The following CHRM5 variants were observed in gnomAD, a reference collection of about 807,000 sequenced individuals.
CHRM5 encodes cholinergic receptor muscarinic 5, also known as muscarinic acetylcholine receptor M5.
A neutral mutation model predicts 39.0 loss-of-function variants in CHRM5; 18 were observed. That is an observed-to-expected ratio of 0.46 (90% CI 0.32 to 0.68). CHRM5 has a LOEUF of 0.68. Ranked by LOEUF, CHRM5 falls within the 30% of genes least tolerant of loss-of-function variation. The probability of loss-of-function intolerance (pLI) is 0.04; values close to 1 mark genes in which losing one functional copy is unlikely to be tolerated. For synonymous variants in CHRM5, 241 were observed against 246.3 expected, an observed-to-expected ratio of 0.98 and a Z score of 0.20; for missense variants, 515 against 651.1, an observed-to-expected ratio of 0.79 and a Z score of 2.28.
At chr15:34,011,837 T>C (rs1897651204) in intron 1 of CHRM5, among the ~76,000 whole-genome samples, 1 of 152,210 alleles carries the variant, frequency 6.6e-6, no homozygotes, top group African/African-American at 2.4e-5. Context: ...AGGGACAGAC[T>C]ATGGGATTTC....
intron 1 of CHRM5, among the ~76,000 whole-genome samples, chr15:33,987,979 G>A (rs1328688019): frequency 6.6e-6 from 1 of 152,154 alleles, no homozygotes; most frequent in Non-Finnish European, 1.5e-5. Flanking sequence ...GCATCAAGAA[G>A]GAAAACCACC....
chr15:33,992,911 A>G (rs1473719342), intron 1 of CHRM5, among the ~76,000 whole-genome samples: 1 of 152,262 alleles, frequency 6.6e-6, no homozygotes, highest in African/African-American at 2.4e-5. Context: ...AATAGTTTTA[A>G]GCAAAAATAT....
At chr15:33,970,996 T>A (rs913867530) in intron 1 of CHRM5, among the ~76,000 whole-genome samples, 1 of 151,990 alleles carries the variant, frequency 6.6e-6, no homozygotes, top group Non-Finnish European at 1.5e-5. Context: ...GAAAAGTGAT[T>A]ACTGAAGTTT....
chr15:33,972,622 AT>A (rs1339342635), intron 1 of CHRM5: 1 of 152,278 alleles, frequency 6.6e-6, no homozygotes, highest in East Asian at 1.9e-4. Flanking sequence ...TTTGTAAAAA[AT>A]AAATAAAAAT....
chr15:34,039,932 A>T (rs551289696), intron 1 of CHRM5, among the ~76,000 whole-genome samples: 1 of 152,314 alleles, frequency 6.6e-6, no homozygotes, highest in Admixed American at 6.5e-5. Flanking sequence ...AGGAGAAAAC[A>T]GGAAGGGGAA....
intron 2 of CHRM5, among the ~76,000 whole-genome samples, chr15:34,047,076 T>TTG (rs962389030): frequency 6.7e-6 from 1 of 148,516 alleles, no homozygotes; most frequent in Non-Finnish European, 1.5e-5. Flanking sequence ...TTTGTTGGTT[T>TTG]TTTTTTTTTT....
At position 34,011,821 on chromosome 15, in the gene CHRM5, C is replaced by A. The variant is rs79293027; in HGVS notation, c.-407-34719C>A. On this transcript the variant is annotated intron_variant, in intron 1 of 2. Coordinates refer to ENST00000383263, the MANE Select transcript of CHRM5 (RefSeq NM_012125.4). ...AGGTAATTTGCATCTGTAGGCAGCC[C>A]ACACCAGGGACAGACTATGGGATTT... Among the ~76,000 whole-genome samples, 884 of 152,280 alleles carry A rather than the reference C, an allele frequency of 5.8e-3. 6 individuals are homozygous for A. The highest frequency in any genetic ancestry group is 0.019 in the African/African-American group (806 of 41,550).
At chr15:34,034,970 G>T (rs568190962) in intron 1 of CHRM5, among the ~76,000 whole-genome samples, 1 of 152,148 alleles carries the variant, frequency 6.6e-6, no homozygotes, top group African/African-American at 2.4e-5. Context: ...GCTGACAAGC[G>T]GCTGGTGGCT....
chr15:34,033,706 T>C (rs532071379), intron 1 of CHRM5, among the ~76,000 whole-genome samples: 11 of 152,314 alleles, frequency 7.2e-5, no homozygotes, highest in South Asian at 2.1e-4. Context: ...AATAAGGTTC[T>C]GTGGGAGATG....
At chr15:33,983,640 C>A (rs976996352) in intron 1 of CHRM5, among the ~76,000 whole-genome samples, 22 of 152,110 alleles carry the variant, frequency 1.4e-4, no homozygotes, top group African/African-American at 5.1e-4. Context: ...TAACACATGC[C>A]CAGAAATTCC....
chr15:33,969,920 T>C (rs916599488), intron 1 of CHRM5, among the ~76,000 whole-genome samples: 2 of 152,006 alleles, frequency 1.3e-5, no homozygotes, highest in South Asian at 4.1e-4. Flanking sequence ...TAGAAATCAC[T>C]GCATAATGAG....
At position 34,063,220 on chromosome 15, in the gene CHRM5, G is replaced by T. The variant is rs1409014295; in HGVS notation, c.503G>T (p.Cys168Phe). ...SFILWAPAIL[C>F]WQYLVGKRTV... is the part of the protein sequence containing the mutation. ...ATCCTCTGGGCCCCAGCAATCCTCT[G>T]CTGGCAGTACTTGGTTGGGAAGCGG... The change falls in exon 3 of 3, where the codon TGC becomes TTC. Residue 168 changes from cysteine to phenylalanine, a missense_variant. Physicochemically the swap from Cys to Phe is radical, Grantham distance 205. Coordinates refer to ENST00000383263, the MANE Select transcript of CHRM5 (RefSeq NM_012125.4). This position sits in a 1 kb window ranked among gnomAD's most constrained non-coding sequence, Gnocchi z 4.1. 9.3e-6 allele frequency: 15 copies of T among 1,614,058 alleles called. No homozygotes were observed. The highest frequency in any genetic ancestry group is 1.3e-5 in the Non-Finnish European group (15 of 1,180,038).
chr15:34,066,424 G>A lies in CHRM5; in HGVS notation c.*2108G>A, dbSNP rs917873761. 2.6e-5 allele frequency: 4 copies of A among 152,236 alleles called. No homozygotes were observed. The highest frequency in any genetic ancestry group is 4.4e-5 in the Non-Finnish European group (3 of 68,050). The allele number at this position is 152,236 out of a possible 1,614,324, so 9.4% of individuals were successfully genotyped here. A position where few individuals can be genotyped will look rare whatever the true frequency, so the allele number is the denominator to read the frequency against. On this transcript the variant is annotated 3_prime_UTR_variant, in exon 3 of 3. Coordinates refer to ENST00000383263, the MANE Select transcript of CHRM5 (RefSeq NM_012125.4). ...TAATTTAAACAAAAGAACACAAATC[G>A]GGAAAGGATGCCATGGAGGGCACTC... is the stretch of plus-strand genomic sequence containing the variant.
At chr15:34,038,933 G>T in intron 1 of CHRM5, 1 of 1,064,778 alleles carries the variant, frequency 9.4e-7, no homozygotes. Flanking sequence ...CTCCGCCGCC[G>T]CCTCTGGCTA....
chr15:34,023,888 A>T (rs1186097727), intron 1 of CHRM5, among the ~76,000 whole-genome samples: 2 of 152,196 alleles, frequency 1.3e-5, no homozygotes, highest in African/African-American at 4.8e-5. Flanking sequence ...ATTTAAACTC[A>T]TTCTGGCTCT....
chr15:33,981,429 CA>C (rs1409492898), intron 1 of CHRM5, among the ~76,000 whole-genome samples: 1 of 55,216 alleles, frequency 1.8e-5, no homozygotes, highest in African/African-American at 3.2e-5. Context: ...CAAAAGGCAC[CA>C]AACTAAACAT....
intron 1 of CHRM5, among the ~76,000 whole-genome samples, chr15:34,038,312 T>G (rs1042741693): frequency 6.6e-6 from 1 of 152,222 alleles, no homozygotes; most frequent in Non-Finnish European, 1.5e-5. Flanking sequence ...GTACTAGGCA[T>G]TGCACAGACA....
chr15:33,974,366 T>C (rs1895778851), intron 1 of CHRM5, among the ~76,000 whole-genome samples: 2 of 152,242 alleles, frequency 1.3e-5, no homozygotes, highest in African/African-American at 4.8e-5. Context: ...CTGTGAGGAA[T>C]GAATCTTTGC....
intron 1 of CHRM5, chr15:34,038,672 CCGTCTG>C: frequency 9.6e-7 from 1 of 1,037,842 alleles, no homozygotes; most frequent in Non-Finnish European, 1.2e-6. Context: ...GCGCCGCCGC[CCGTCTG>C]GCGCGCGCCT....
Sources: gnomAD v4.1 joint callset for allele counts (sites outside exome capture counted in the v4.1 genomes callset) on GRCh38, gnomAD v4.1.1 for gene constraint, Gnocchi (gnomAD v3.1) non-coding constraint, MANE v1.5 for transcripts, NCBI Gene and HGNC (gene_info 2026-07-23, HGNC 2026-07-21) for gene names.